Variants in ZNF385D observed in about 807,000 individuals in gnomAD.
The protein encoded by ZNF385D is zinc finger protein 385D, also known as zinc finger protein 659.
A neutral mutation model predicts 35.8 loss-of-function variants in ZNF385D; 15 were observed. That is an observed-to-expected ratio of 0.42 (90% CI 0.28 to 0.64). The LOEUF (loss-of-function observed/expected upper bound fraction) is 0.64, where lower values mean the gene tolerates loss of function less well. ZNF385D is among the 30% of genes least tolerant of loss of function. The probability of loss-of-function intolerance (pLI) is 0.23; values close to 1 mark genes in which losing one functional copy is unlikely to be tolerated. For missense variants in ZNF385D, 474 were observed against 494.6 expected (o/e 0.96, Z 0.39); for synonymous variants, 212 against 186.8 (o/e 1.13, Z -1.10).
chr3:22,025,264 A>G (rs1697466259), intron 3 of ZNF385D, among the ~76,000 whole-genome samples: 1 of 152,166 alleles, frequency 6.6e-6, no homozygotes, highest in South Asian at 2.1e-4. Flanking sequence ...GGCAACAGTG[A>G]TGGCCTCCCC....
intron 4 of ZNF385D, among the ~76,000 whole-genome samples, chr3:21,501,677 T>G (rs1029449550): frequency 2.0e-5 from 3 of 152,226 alleles, no homozygotes; most frequent in Non-Finnish European, 4.4e-5. Flanking sequence ...TTGTAATATT[T>G]AAGATTTCTA....
chr3:21,426,851 C>T (rs1209418248), intron 5 of ZNF385D, among the ~76,000 whole-genome samples: 1 of 152,114 alleles, frequency 6.6e-6, no homozygotes, highest in African/African-American at 2.4e-5. Flanking sequence ...GGTTTCTAGC[C>T]ACATGTTTCC....
At chr3:21,578,051 G>A (rs2063545640) in intron 2 of ZNF385D, among the ~76,000 whole-genome samples, 1 of 151,996 alleles carries the variant, frequency 6.6e-6, no homozygotes, top group African/African-American at 2.4e-5. Context: ...CTGGGCTCAA[G>A]TGATGCTCCT....
At chr3:22,365,859 C>T (rs1696633907) in intron 2 of ZNF385D, among the ~76,000 whole-genome samples, 1 of 152,036 alleles carries the variant, frequency 6.6e-6, no homozygotes, top group African/African-American at 2.4e-5. Flanking sequence ...CATTCACTTC[C>T]ATTAAATTTG....
At chr3:22,185,310 T>C (rs1695556304) in intron 2 of ZNF385D, among the ~76,000 whole-genome samples, 2 of 152,218 alleles carry the variant, frequency 1.3e-5, no homozygotes, top group Admixed American at 1.3e-4. Context: ...TGTGTCATAC[T>C]CGTTTGTAAT....
At chr3:21,962,106 G>A (rs753076624) in intron 3 of ZNF385D, among the ~76,000 whole-genome samples, 108 of 152,098 alleles carry the variant, frequency 7.1e-4, no homozygotes, top group Non-Finnish European at 1.4e-3. Flanking sequence ...TCATTAAAGT[G>A]CAGAAAACAT....
At chr3:22,260,604 T>G (rs1700578417) in intron 2 of ZNF385D, among the ~76,000 whole-genome samples, 1 of 152,032 alleles carries the variant, frequency 6.6e-6, no homozygotes, top group Non-Finnish European at 1.5e-5. Context: ...ATAAATTTGA[T>G]AGGTATTTTA....
intron 3 of ZNF385D, among the ~76,000 whole-genome samples, chr3:22,008,120 T>C (rs1384174548): frequency 1.3e-5 from 2 of 152,100 alleles, no homozygotes; most frequent in Non-Finnish European, 2.9e-5. Flanking sequence ...CCCTTTATTA[T>C]TATTTTTTAA....
rs564329168 is a variant in ZNF385D, at chr3:22,032,148, A to G, written c.325+136669T>C. 5.3e-5 allele frequency among the ~76,000 whole-genome samples: 8 copies of G among 152,330 alleles called. No individual in the cohort carries two copies. The East Asian group carries it at 1.5e-3, about 29-fold the overall frequency. ...ATAAGCATTTTGTCAAAACCATTCA[A>G]CAAGTCTCTAGGAACTTCCGAAGTT... On this transcript the variant is annotated intron_variant, in intron 3 of 5. Coordinates refer to the ZNF385D transcript ENST00000494108.
intron 4 of ZNF385D, among the ~76,000 whole-genome samples, chr3:21,438,890 T>C (rs1409534175): frequency 2.0e-5 from 3 of 152,162 alleles, no homozygotes; most frequent in Non-Finnish European, 4.4e-5. Context: ...TAGTTTTTAT[T>C]TGCCTGTTAA....
chr3:21,425,877 G>T (rs1029040267), intron 5 of ZNF385D, among the ~76,000 whole-genome samples: 3 of 152,102 alleles, frequency 2.0e-5, no homozygotes, highest in African/African-American at 7.2e-5. Flanking sequence ...GTAACAATGT[G>T]CTTTCATCAC....
intron 2 of ZNF385D, among the ~76,000 whole-genome samples, chr3:22,359,932 G>T (rs1301385536): frequency 6.6e-6 from 1 of 151,838 alleles, no homozygotes; most frequent in Non-Finnish European, 1.5e-5. Context: ...CAATAAAAAG[G>T]TATTTTACAT....
At chr3:21,637,366 C>G (rs2065479954) in intron 2 of ZNF385D, among the ~76,000 whole-genome samples, 1 of 152,002 alleles carries the variant, frequency 6.6e-6, no homozygotes, top group South Asian at 2.1e-4. Flanking sequence ...GTGTCCTTTC[C>G]CCACTTTATG....
intron 2 of ZNF385D, among the ~76,000 whole-genome samples, chr3:22,275,260 T>A (rs1238370248): frequency 6.6e-6 from 1 of 152,102 alleles, no homozygotes; most frequent in Non-Finnish European, 1.5e-5. Flanking sequence ...TTTTCCAGAA[T>A]GAAAGAAATT....
intron 3 of ZNF385D, among the ~76,000 whole-genome samples, chr3:21,853,076 G>A (rs1408883758): frequency 6.6e-6 from 1 of 151,450 alleles, no homozygotes; most frequent in Non-Finnish European, 1.5e-5. Context: ...TCAAAAAACT[G>A]ACTTCAAAGA....
rs113288443 is a variant in ZNF385D, at chr3:22,251,912, C to G, written c.107-82877G>C. Among the ~76,000 whole-genome samples, 1,119 of 152,104 alleles carry G rather than the reference C, an allele frequency of 7.4e-3. 17 individuals carry two copies. Among genetic ancestry groups the G allele is most frequent in the African/African-American group, 0.025 (1,043 of 41,530 alleles). On this transcript the variant is annotated intron_variant, in intron 2 of 5. Coordinates refer to the ZNF385D transcript ENST00000494108. Reference sequence around the variant, plus strand: ...CCTCTTTTGTAAAATAAGGTTTGGGCGACCTACCTCACAGGACTCTGACCA... The same window carrying G: ...CCTCTTTTGTAAAATAAGGTTTGGGGGACCTACCTCACAGGACTCTGACCA...
At chr3:22,027,721 T>C (rs974113995) in intron 3 of ZNF385D, among the ~76,000 whole-genome samples, 5 of 152,052 alleles carry the variant, frequency 3.3e-5, no homozygotes, top group Non-Finnish European at 1.5e-5. Flanking sequence ...ATATACATAA[T>C]TGGGCTCAAG....
At chr3:21,684,409 CTCT>C (rs2067034087) in intron 1 of ZNF385D, among the ~76,000 whole-genome samples, 15 of 73,150 alleles carry the variant, frequency 2.1e-4, no homozygotes, top group African/African-American at 6.7e-4. Context: ...TCTCTCCTCT[CTCT>C]CTCTCTCTCT....
chr3:21,838,429 A>T (rs1311772894), intron 3 of ZNF385D, among the ~76,000 whole-genome samples: 3 of 152,124 alleles, frequency 2.0e-5, no homozygotes, highest in Non-Finnish European at 4.4e-5. Context: ...ATGAATTTAG[A>T]TGCGAATCAA....
Sources: gnomAD v4.1 joint callset for allele counts (sites outside exome capture counted in the v4.1 genomes callset) on GRCh38, gnomAD v4.1.1 for gene constraint, MANE v1.5 for transcripts, NCBI Gene and HGNC (gene_info 2026-07-23, HGNC 2026-07-21) for gene names.